Variants in PTPRT observed in about 807,000 individuals in gnomAD.
The protein encoded by PTPRT is protein tyrosine phosphatase receptor type T.
A neutral mutation model predicts 176.8 loss-of-function variants in PTPRT; 56 were observed. The observed-to-expected ratio is 0.32, with a 90% CI of 0.26 to 0.40. The LOEUF (loss-of-function observed/expected upper bound fraction) is 0.40. PTPRT is among the 10% of genes least tolerant of loss of function. PTPRT has a pLI of 1.00. For missense variants in PTPRT, 1,540 were observed against 1,908.2 expected, an observed-to-expected ratio of 0.81 and a Z score of 3.60; for synonymous variants, 783 against 739.0, an observed-to-expected ratio of 1.06 and a Z score of -0.96.
the PTPRT span, among the ~76,000 whole-genome samples, chr20:42,067,144 T>C: frequency 1.3e-5 from 2 of 152,120 alleles, no homozygotes; most frequent in Non-Finnish European, 2.9e-5. Flanking sequence ...GAGAGCATCA[T>C]GGAGGGGCCA....
intron 15 of PTPRT, among the ~76,000 whole-genome samples, chr20:42,235,494 C>T (rs2056223720): frequency 6.6e-6 from 1 of 152,090 alleles, no homozygotes; most frequent in Non-Finnish European, 1.5e-5. Flanking sequence ...CTCCTGACCT[C>T]AGGTGATCTG....
At chr20:42,251,603 G>A (rs2056552065) in intron 13 of PTPRT, among the ~76,000 whole-genome samples, 1 of 151,884 alleles carries the variant, frequency 6.6e-6, no homozygotes, top group Non-Finnish European at 1.5e-5. Context: ...ACCCCTAATA[G>A]GGGTGAGTTC....
chr20:42,371,809 C>G (rs1400941370), intron 9 of PTPRT, among the ~76,000 whole-genome samples: 3 of 152,160 alleles, frequency 2.0e-5, no homozygotes, highest in African/African-American at 7.2e-5. Flanking sequence ...ATCAAGGGGG[C>G]ATTATCAGTT....
At chr20:42,437,696 T>G (rs1419215625) in intron 9 of PTPRT, among the ~76,000 whole-genome samples, 2 of 152,088 alleles carry the variant, frequency 1.3e-5, no homozygotes, top group African/African-American at 4.8e-5. Flanking sequence ...AAAATGCCCA[T>G]TGACTTAAGG....
chr20:42,281,420 A>G (rs1359596879), intron 13 of PTPRT, among the ~76,000 whole-genome samples: 1 of 151,902 alleles, frequency 6.6e-6, no homozygotes, highest in African/African-American at 2.4e-5. Flanking sequence ...GTGCCTACAT[A>G]TTGGGCTGAT....
chr20:42,072,246 C>T (rs1012894763), downstream of PTPRT, among the ~76,000 whole-genome samples: 4 of 152,210 alleles, frequency 2.6e-5, no homozygotes, highest in Non-Finnish European at 4.4e-5. Context: ...CAAGCCTTGC[C>T]TAGAATAGAG....
intron 9 of PTPRT, among the ~76,000 whole-genome samples, chr20:42,408,268 T>C (rs1255374281): frequency 2.6e-5 from 4 of 152,170 alleles, no homozygotes; most frequent in South Asian, 2.1e-4. Flanking sequence ...AAATTGTATA[T>C]TATTGGTCCA....
At chr20:42,172,516 G>C (rs1356532381) in intron 16 of PTPRT, among the ~76,000 whole-genome samples, 1 of 152,116 alleles carries the variant, frequency 6.6e-6, no homozygotes, top group African/African-American at 2.4e-5. Context: ...CCATCACCTG[G>C]GTGCTAGCTT....
At chr20:42,203,160 T>A (rs1991519577) in intron 15 of PTPRT, among the ~76,000 whole-genome samples, 1 of 152,142 alleles carries the variant, frequency 6.6e-6, no homozygotes, top group African/African-American at 2.4e-5. Flanking sequence ...AAGGTGGAAA[T>A]GGAGGGGGTA....
intron 9 of PTPRT, among the ~76,000 whole-genome samples, chr20:42,375,405 G>A (rs1474355456): frequency 6.6e-6 from 1 of 152,184 alleles, no homozygotes; most frequent in African/African-American, 2.4e-5. Context: ...CTCTGGGGAA[G>A]TGATTAAACC....
chr20:42,942,482 A>G (rs1980617537), intron 1 of PTPRT, among the ~76,000 whole-genome samples: 1 of 152,216 alleles, frequency 6.6e-6, no homozygotes, highest in Non-Finnish European at 1.5e-5. Flanking sequence ...TACACTTCAC[A>G]TTCATAGCCT....
intron 1 of PTPRT, among the ~76,000 whole-genome samples, chr20:42,967,266 C>G (rs955990133): frequency 2.0e-5 from 3 of 152,066 alleles, no homozygotes; most frequent in African/African-American, 7.3e-5. Flanking sequence ...GAAAACGGGT[C>G]TTAGCAGATG....
chr20:42,411,200 T>C (rs1465351117), intron 9 of PTPRT, among the ~76,000 whole-genome samples: 1 of 151,892 alleles, frequency 6.6e-6, no homozygotes, highest in Non-Finnish European at 1.5e-5. Flanking sequence ...ATCCCAGCAC[T>C]TTGGGAGGCC....
intron 12 of PTPRT, among the ~76,000 whole-genome samples, chr20:42,305,961 T>G (rs2057540381): frequency 6.6e-6 from 1 of 152,322 alleles, no homozygotes; most frequent in Non-Finnish European, 1.5e-5. Context: ...ATATAGAAAC[T>G]GAGGCTGCTA....
chr20:42,039,751 G>A, the PTPRT span, among the ~76,000 whole-genome samples: 2 of 141,926 alleles, frequency 1.4e-5, no homozygotes, highest in Admixed American at 7.1e-5. Context: ...ATGTATTTAT[G>A]TATATATATA....
intron 13 of PTPRT, among the ~76,000 whole-genome samples, chr20:42,256,051 G>A (rs553660936): frequency 6.6e-6 from 1 of 152,284 alleles, no homozygotes; most frequent in South Asian, 2.1e-4. Flanking sequence ...CTGGCACCCA[G>A]TAGGGAAAAC....
intron 7 of PTPRT, among the ~76,000 whole-genome samples, chr20:42,620,863 C>T (rs1235161336): frequency 1.3e-5 from 2 of 152,164 alleles, no homozygotes; most frequent in Admixed American, 6.5e-5. Context: ...TGAGATAAAC[C>T]CGGTACCTCA....
intron 8 of PTPRT, among the ~76,000 whole-genome samples, chr20:42,471,383 T>C (rs1166045423): frequency 6.6e-6 from 1 of 151,990 alleles, no homozygotes; most frequent in African/African-American, 2.4e-5. Flanking sequence ...CCCTCATGGG[T>C]TGGTGCTGTC....
chr20:43,095,990 A>C (rs1284513485), intron 1 of PTPRT, among the ~76,000 whole-genome samples: 36 of 28,774 alleles, frequency 1.3e-3, no homozygotes, highest in Admixed American at 4.0e-3. Context: ...CTCTCTTTCC[A>C]CCCTCCCTCT....
Sources: gnomAD v4.1 joint callset for allele counts (sites outside exome capture counted in the v4.1 genomes callset) on GRCh38, gnomAD v4.1.1 for gene constraint, MANE v1.5 for transcripts, NCBI Gene and HGNC (gene_info 2026-07-23, HGNC 2026-07-21) for gene names.